RGS6: variants seen among roughly 807,000 people sequenced by gnomAD.
RGS6 encodes the protein regulator of G-protein signaling 6.
In RGS6, 30 loss-of-function variants were observed where a neutral mutation model predicts 78.5. The ratio of observed to expected loss-of-function variants is 0.38; its 90% CI spans 0.29 to 0.52. RGS6 has a LOEUF of 0.52. Among genes scored for constraint, RGS6 ranks in the 20% least tolerant of loss-of-function variants. The pLI is 0.85. For missense variants in RGS6, 495 were observed against 609.7 expected (o/e 0.81, Z 1.98); for synonymous variants, 206 against 206.0 (o/e 1.00, Z 0.00).
At chr14:72,138,033 C>T (rs189620179) in intron 2 of RGS6, among the ~76,000 whole-genome samples, 290 of 152,178 alleles carry the variant, frequency 1.9e-3, no homozygotes, top group East Asian at 5.0e-3. Context: ...TACAAAAGGA[C>T]GCTTATTTTG....
chr14:72,068,924 TTCTTC>T (rs1299516504), intron 2 of RGS6, among the ~76,000 whole-genome samples: 1 of 152,124 alleles, frequency 6.6e-6, no homozygotes, highest in East Asian at 1.9e-4. Flanking sequence ...ATATTTGGAT[TTCTTC>T]TCTTTTATAC....
the RGS6 span, among the ~76,000 whole-genome samples, chr14:72,611,117 C>T: frequency 6.6e-6 from 1 of 152,166 alleles, no homozygotes; most frequent in Admixed American, 6.5e-5. Flanking sequence ...CTTGGGCCAC[C>T]CCCCACAGAG....
intron 2 of RGS6, among the ~76,000 whole-genome samples, chr14:72,225,155 G>A (rs1434445241): frequency 1.3e-5 from 2 of 152,214 alleles, no homozygotes; most frequent in East Asian, 1.9e-4. Flanking sequence ...TAGGCTCCTG[G>A]GTCGGGCTTA....
chr14:72,282,201 G>A (rs2061697145), intron 2 of RGS6, among the ~76,000 whole-genome samples: 2 of 152,150 alleles, frequency 1.3e-5, no homozygotes, highest in South Asian at 4.1e-4. Context: ...CGTGAGAGAT[G>A]GATGTGATGG....
intron 2 of RGS6, among the ~76,000 whole-genome samples, chr14:72,306,919 G>T (rs1180719538): frequency 6.6e-6 from 1 of 152,208 alleles, no homozygotes; most frequent in Non-Finnish European, 1.5e-5. Context: ...AATTTTGAAA[G>T]AATTTTTGTG....
intron 7 of RGS6, among the ~76,000 whole-genome samples, chr14:72,467,321 AG>A (rs1391572697): frequency 6.6e-6 from 1 of 152,142 alleles, no homozygotes; most frequent in Non-Finnish European, 1.5e-5. Context: ...GGCAACATTA[AG>A]GGGAGCAGAG....
At chr14:71,887,981 C>T in the RGS6 span, among the ~76,000 whole-genome samples, 1 of 152,186 alleles carries the variant, frequency 6.6e-6, no homozygotes, top group East Asian at 1.9e-4. Flanking sequence ...GTCTGAGACT[C>T]AAGCGGGCAT....
At chr14:71,897,363 A>T in the RGS6 span, among the ~76,000 whole-genome samples, 1 of 152,180 alleles carries the variant, frequency 6.6e-6, no homozygotes, top group African/African-American at 2.4e-5. Flanking sequence ...TAGTATTGGG[A>T]TTATATTTAC....
At chr14:72,340,339 A>G (rs2076762818) in intron 2 of RGS6, among the ~76,000 whole-genome samples, 1 of 152,188 alleles carries the variant, frequency 6.6e-6, no homozygotes, top group South Asian at 2.1e-4. Context: ...TATCTGGAGC[A>G]GGGAGCCTGC....
chr14:72,203,830 T>C (rs923772334), intron 2 of RGS6, among the ~76,000 whole-genome samples: 6 of 148,772 alleles, frequency 4.0e-5, no homozygotes, highest in African/African-American at 1.5e-4. Flanking sequence ...TCTTTTTTTT[T>C]TTTTTTTTTT....
chr14:72,196,527 A>C lies in RGS6; in HGVS notation c.85-155568A>C, dbSNP rs1011828421. Among the ~76,000 whole-genome samples, 6 of 152,196 alleles carry C rather than the reference A, an allele frequency of 3.9e-5. No homozygotes were observed. In the South Asian group the frequency reaches 1.2e-3, roughly 32 times the overall value. On this transcript the variant is annotated intron_variant, in intron 2 of 17. Coordinates refer to ENST00000553525, the MANE Select transcript of RGS6 (RefSeq NM_001204424.2). Reference sequence around the variant, plus strand: ...GCCCCCTGTTCCTCCTGGGAACCCAACTCTGAAGGGGTCTTCTTGACATCC... The same window carrying C: ...GCCCCCTGTTCCTCCTGGGAACCCACCTCTGAAGGGGTCTTCTTGACATCC...
intron 2 of RGS6, among the ~76,000 whole-genome samples, chr14:72,152,845 T>C (rs537035978): frequency 1.3e-5 from 2 of 152,260 alleles, no homozygotes; most frequent in East Asian, 1.9e-4. Flanking sequence ...TATGAAATAT[T>C]AGGCTTACAG....
chr14:72,487,726 C>T (rs949711312), intron 12 of RGS6, among the ~76,000 whole-genome samples: 3 of 152,302 alleles, frequency 2.0e-5, no homozygotes, highest in South Asian at 2.1e-4. Context: ...GGAACATCGC[C>T]CTGCTGACAC....
chr14:72,091,411 A>G (rs1435911789), intron 2 of RGS6, among the ~76,000 whole-genome samples: 1 of 152,102 alleles, frequency 6.6e-6, no homozygotes, highest in Non-Finnish European at 1.5e-5. Context: ...GAGACAGGGG[A>G]CCAGGACCAG....
chr14:72,176,736 T>C (rs1303898776), intron 2 of RGS6, among the ~76,000 whole-genome samples: 1 of 152,234 alleles, frequency 6.6e-6, no homozygotes, highest in African/African-American at 2.4e-5. Flanking sequence ...GGAAGATTTA[T>C]TTTAAACTGG....
At chr14:72,508,749 T>G (rs184596419) in intron 13 of RGS6, among the ~76,000 whole-genome samples, 1 of 152,218 alleles carries the variant, frequency 6.6e-6, no homozygotes, top group East Asian at 1.9e-4. Flanking sequence ...TTTCCCAATT[T>G]GTAATGTGGA....
intron 2 of RGS6, among the ~76,000 whole-genome samples, chr14:72,011,920 ATTAGAAG>A (rs1452490813): frequency 3.9e-5 from 6 of 152,230 alleles, no homozygotes; most frequent in African/African-American, 1.4e-4. Context: ...AAAATAAGAT[ATTAGAAG>A]TTCTATTTAC....
At chr14:72,567,582 T>TC (rs2097715042), downstream of RGS6, among the ~76,000 whole-genome samples, 1 of 152,198 alleles carries the variant, frequency 6.6e-6, no homozygotes, top group African/African-American at 2.4e-5. Context: ...CAGCTGCCTC[T>TC]CTCCCTACAC....
At chr14:71,952,753 T>G (rs970182831) in intron 1 of RGS6, among the ~76,000 whole-genome samples, 1 of 152,202 alleles carries the variant, frequency 6.6e-6, no homozygotes, top group Admixed American at 6.5e-5. Flanking sequence ...ATTGAAAGGG[T>G]GCACCTTATA....
Sources: allele counts gnomAD v4.1 joint callset (sites outside exome capture counted in the v4.1 genomes callset), GRCh38; gene constraint gnomAD v4.1.1; transcripts MANE v1.5; gene names NCBI Gene and HGNC (gene_info 2026-07-23, HGNC 2026-07-21).